Variants in HFE observed in about 807,000 individuals in gnomAD.
HFE encodes homeostatic iron regulator, also known as hereditary hemochromatosis protein.
A neutral mutation model predicts 40.9 loss-of-function variants in HFE; 36 were observed. That is an observed-to-expected ratio of 0.88 (90% CI 0.67 to 1.16). The LOEUF (loss-of-function observed/expected upper bound fraction) is 1.16, where lower values mean the gene tolerates loss of function less well. HFE is among the 50% of genes most tolerant of loss of function. The probability of loss-of-function intolerance (pLI) is 0.00; values close to 1 mark genes in which losing one functional copy is unlikely to be tolerated. For missense variants in HFE, 376 were observed against 432.0 expected, an observed-to-expected ratio of 0.87 and a Z score of 1.15; for synonymous variants, 157 against 165.4, an observed-to-expected ratio of 0.95 and a Z score of 0.39.
chr6:26,092,492 T>C, intron 3 of HFE, 193 bp from the exon 4 acceptor site: 1 of 846,254 alleles, frequency 1.2e-6, no homozygotes. Context: ...GAGAACAAGC[T>C]GATCTGACTG....
rs753090000 is a variant in HFE at position 26,091,639 on chromosome 6, G to A, written c.616+50G>A. ...CCTATACTCTAGTGGCAGAGTGGAG[G>A]AGGTTGCAGGGCACGGAATCCCTGG... On this transcript the variant is annotated intron_variant, in intron 3 of 5. Transcript: ENST00000357618. 5 of 1,596,068 alleles carry A rather than the reference G, an allele frequency of 3.1e-6. No individual in the cohort carries two copies. In the East Asian group the frequency reaches 1.1e-4, roughly 36 times the overall value.
Position 26,094,309 on chromosome 6 carries a change from C to A in HFE, c.*83C>A. On this transcript the variant is annotated 3_prime_UTR_variant, in exon 6 of 6. Coordinates refer to ENST00000357618, the MANE Select transcript of HFE (RefSeq NM_000410.4). ...GTGCATTTATGAGCTCTTCATGTTT[C>A]AGGAGAGAGTTGAACCTAAACATAG... 1 of 1,285,038 alleles carries A rather than the reference C, an allele frequency of 7.8e-7. No individual in the cohort carries two copies. Among genetic ancestry groups the A allele is most frequent in the Non-Finnish European group, 1.1e-6 (1 of 885,196 alleles). The allele number at this position is 1,285,038 out of a possible 1,614,324, so 79.6% of individuals were successfully genotyped here.
intron 1 of HFE, among the ~76,000 whole-genome samples, chr6:26,090,442 CAAAAAAAAAAAAAA>C (rs56267433): frequency 2.7e-5 from 1 of 36,728 alleles, no homozygotes; most frequent in Admixed American, 4.5e-4. Flanking sequence ...GACTCTGTCT[CAAAAAAAAAAAAAA>C]AAAAAAAAAA....
intron 5 of HFE, 32 bp downstream of exon 5, chr6:26,093,264 A>G (rs763731065): frequency 8.9e-6 from 13 of 1,461,726 alleles, no homozygotes; most frequent in Non-Finnish European, 1.2e-5. Flanking sequence ...GTCTCTTAGT[A>G]CCTCTGCCCC....
intron 1 of HFE, among the ~76,000 whole-genome samples, chr6:26,090,465 A>AAAAAC (rs1762614794): frequency 6.6e-6 from 1 of 150,930 alleles, no homozygotes; most frequent in Non-Finnish European, 1.5e-5. Context: ...AAAAAAAAAA[A>AAAAAC]AAAAAACTGA....
chr6:26,096,763 T>C lies in HFE; in HGVS notation c.*2537T>C. 1 of 366,642 alleles carries C rather than the reference T, an allele frequency of 2.7e-6. No individual in the cohort carries two copies. The highest frequency in any genetic ancestry group is 2.1e-5 in the South Asian group (1 of 47,252). The allele number at this position is 366,642 out of a possible 1,614,324, so 22.7% of individuals were successfully genotyped here. A position where few individuals can be genotyped will look rare whatever the true frequency, so the allele number is the denominator to read the frequency against. Reference sequence around the variant, plus strand: ...AGTGAAAAACTATTAACAACTTGTCTATTACCTGTTAGTATTATTGTTGCA... The same window carrying C: ...AGTGAAAAACTATTAACAACTTGTCCATTACCTGTTAGTATTATTGTTGCA... On this transcript the variant is annotated 3_prime_UTR_variant, in exon 6 of 6. Coordinates refer to ENST00000357618, the MANE Select transcript of HFE (RefSeq NM_000410.4).
rs372856303 is a variant in HFE, at chr6:26,093,129, G to T, written c.903G>T (p.Pro301=). Residue 301 remains proline (P), a synonymous_variant, in exon 5 of 6, where the codon CCG becomes CCT. Transcript: ENST00000357618. ...CTTTTTCTGTTTTAGAGCCCTCACC[G>T]TCTGGCACCCTAGTCATTGGAGTCA... The part of the protein sequence containing the change: ...QPLIVIWEPS[P]SGTLVIGVIS... The T allele has an allele frequency of 1.9e-6, 3 of 1,614,070 alleles. No homozygotes were observed. The highest frequency in any genetic ancestry group is 4.5e-5 in the East Asian group (2 of 44,888).
At chr6:26,091,679 G>C in intron 3 of HFE, 90 bp downstream of exon 3, 1 of 1,411,276 alleles carries the variant, frequency 7.1e-7, no homozygotes, top group Non-Finnish European at 9.9e-7. Context: ...AGTTTCAGAG[G>C]TGGCTGAGGC....
At chr6:26,089,104 T>TGGGGGG (rs1762482257) in intron 1 of HFE, among the ~76,000 whole-genome samples, 1 of 17,676 alleles carries the variant, frequency 5.7e-5, no homozygotes, top group African/African-American at 4.2e-4. Context: ...CATGTGTGTG[T>TGGGGGG]GTGTGGGGGG....
chr6:26,088,601 C>A (rs1306567215), intron 1 of HFE, among the ~76,000 whole-genome samples: 1 of 152,228 alleles, frequency 6.6e-6, no homozygotes, highest in Non-Finnish European at 1.5e-5. Context: ...CCACATTTTA[C>A]ACATGACAAG....
rs1167395909 is a variant in HFE, at chr6:26,096,353, C to T, written c.*2127C>T. 20 of 415,684 alleles carry T rather than the reference C, an allele frequency of 4.8e-5. No homozygotes were observed. The highest frequency in any genetic ancestry group is 2.2e-4 in the East Asian group (3 of 13,876). 25.7% of individuals were successfully genotyped at this position (415,684 alleles called of 1,614,324 possible). A position where few individuals can be genotyped will look rare whatever the true frequency, so the allele number is the denominator to read the frequency against. ...TTCACCATGTTGGCCAGGCTGGTCT[C>T]GAACTCTCCTGACCTCGTGATCCGC... On this transcript the variant is annotated 3_prime_UTR_variant, in exon 6 of 6. Coordinates refer to ENST00000357618, the MANE Select transcript of HFE (RefSeq NM_000410.4).
At chr6:26,093,027 G>A in intron 4 of HFE, 67 bp downstream of exon 4, 1 of 1,614,028 alleles carries the variant, frequency 6.2e-7, no homozygotes, top group Non-Finnish European at 8.5e-7. Flanking sequence ...GCCTGAGGAG[G>A]TAATTATGGC....
At chr6:26,089,135 G>GGGGGGGA (rs1762499240) in intron 1 of HFE, among the ~76,000 whole-genome samples, 1 of 91,084 alleles carries the variant, frequency 1.1e-5, no homozygotes, top group Non-Finnish European at 2.2e-5. Flanking sequence ...GTGGGGGTGG[G>GGGGGGGA]AAGGGGGACT....
Position 26,087,524 on chromosome 6 carries a change from C to G in HFE, c.76+8C>G. 6.2e-7 allele frequency: 1 copy of G among 1,609,426 alleles called. No homozygotes were observed. The highest frequency in any genetic ancestry group is 8.5e-7 in the Non-Finnish European group (1 of 1,176,338). On this transcript the variant is annotated splice_region_variant and intron_variant, in intron 1 of 5. Coordinates refer to ENST00000357618, the MANE Select transcript of HFE (RefSeq NM_000410.4). ...TGCAGGGGCGCTTGCTGCGTGAGTC[C>G]GAGGGCTGCGGGCGAACTAGGGGCG...
chr6:26,093,023 G>A, intron 4 of HFE, 63 bp downstream of exon 4: 1 of 1,614,046 alleles, frequency 6.2e-7, no homozygotes. Flanking sequence ...GAGTGCCTGA[G>A]GAGGTAATTA....
chr6:26,094,573 TG>T lies in HFE; in HGVS notation c.*352del. 3.0e-6 allele frequency: 2 copies of T among 659,654 alleles called. No individual in the cohort carries two copies. Among genetic ancestry groups the T allele is most frequent in the Admixed American group, 2.4e-5 (1 of 41,486 alleles). The allele number at this position is 659,654 out of a possible 1,614,324, so 40.9% of individuals were successfully genotyped here. On this transcript the variant is annotated 3_prime_UTR_variant, in exon 6 of 6. Transcript: ENST00000357618. The stretch of plus-strand genomic sequence containing the variant: ...TTTTTGGAAGAGGACTCCTTAAATT[TG>T]GGGGACTTACATGATTCATTTTAAC...
chr6:26,092,173 TAAAAA>T (rs34225963), intron 3 of HFE, among the ~76,000 whole-genome samples: 20 of 98,712 alleles, frequency 2.0e-4, no homozygotes, highest in South Asian at 3.5e-4. Context: ...GACTCCATCT[TAAAAA>T]AAAAAAAAAA....
chr6:26,091,360 C>T lies in HFE; in HGVS notation c.387C>T (p.Asp129=). The T allele has an allele frequency of 1.2e-6, 2 of 1,614,134 alleles. No individual in the cohort carries two copies. Among genetic ancestry groups the T allele is most frequent in the Non-Finnish European group, 1.7e-6 (2 of 1,180,024 alleles). The change falls in exon 3 of 6, where the codon GAC becomes GAT. Residue 129 remains aspartate (D), a synonymous_variant. Transcript: ENST00000357618. ...TCCTGGGCTGTGAAATGCAAGAAGA[C>T]AACAGTACCGAGGGCTACTGGAAGT... ...QVILGCEMQE[D]NSTEGYWKYG...
rs147426902 is a variant in HFE at position 26,090,953 on chromosome 6, T to C, written c.189T>C (p.His63=). 4.9e-4 allele frequency: 788 copies of C among 1,614,190 alleles called. 5 individuals are homozygous for C. The African/African-American group carries it at 9.5e-3, about 20-fold the overall frequency. The change falls in exon 2 of 6, where the codon CAT becomes CAC. Residue 63 remains histidine (H), a synonymous_variant. Coordinates refer to ENST00000357618, the MANE Select transcript of HFE (RefSeq NM_000410.4). ...ACCAGCTGTTCGTGTTCTATGATCATGAGAGTCGCCGTGTGGAGCCCCGAA... is the reference window on the plus strand; with the variant it reads ...ACCAGCTGTTCGTGTTCTATGATCACGAGAGTCGCCGTGTGGAGCCCCGAA... ...VDDQLFVFYD[H]ESRRVEPRTP...
Sources: allele counts gnomAD v4.1 joint callset (sites outside exome capture counted in the v4.1 genomes callset), GRCh38; gene constraint gnomAD v4.1.1; transcripts MANE v1.5; gene names NCBI Gene and HGNC (gene_info 2026-07-23, HGNC 2026-07-21).